The following ITFG1 variants were observed in gnomAD, a reference collection of about 807,000 sequenced individuals.
ITFG1 encodes the protein T-cell immunomodulatory protein.
Under a neutral mutation model 81.8 loss-of-function variants are expected in ITFG1, and 34 were observed. The ratio of observed to expected loss-of-function variants is 0.42; its 90% CI spans 0.32 to 0.55. The LOEUF is 0.55. Ranked by LOEUF, ITFG1 falls within the 20% of genes least tolerant of loss-of-function variation. ITFG1 has a pLI of 0.17. For synonymous variants in ITFG1, 285 were observed against 270.6 expected (o/e 1.05, Z -0.52); for missense variants, 672 against 755.4 (o/e 0.89, Z 1.29).
chr16:47,422,416 C>T (rs1048914415), intron 6 of ITFG1, among the ~76,000 whole-genome samples: 1 of 152,198 alleles, frequency 6.6e-6, no homozygotes, highest in Non-Finnish European at 1.5e-5. Flanking sequence ...AGGATTTTCA[C>T]ATCGATGTTC....
chr16:47,239,822 T>C (rs1160974729), intron 12 of ITFG1, among the ~76,000 whole-genome samples: 2 of 152,200 alleles, frequency 1.3e-5, no homozygotes, highest in Non-Finnish European at 2.9e-5. Context: ...TTTCCAACTG[T>C]TCCAAAATGA....
At chr16:47,198,102 T>C (rs1435624441) in intron 14 of ITFG1, among the ~76,000 whole-genome samples, 3 of 152,336 alleles carry the variant, frequency 2.0e-5, no homozygotes, top group Non-Finnish European at 4.4e-5. Context: ...TCAAATCTTA[T>C]AAAGAAAACA....
At chr16:47,409,930 T>C (rs1002555114) in intron 6 of ITFG1, among the ~76,000 whole-genome samples, 3 of 152,088 alleles carry the variant, frequency 2.0e-5, no homozygotes, top group African/African-American at 4.8e-5. Flanking sequence ...GCAGGATTAA[T>C]TTCCTTAAGA....
chr16:47,436,998 G>C (rs902656018), intron 5 of ITFG1, among the ~76,000 whole-genome samples: 1 of 151,940 alleles, frequency 6.6e-6, no homozygotes. Flanking sequence ...GCTAATAAAG[G>C]GTTTGAGAAA....
intron 14 of ITFG1, among the ~76,000 whole-genome samples, chr16:47,190,514 T>G (rs1965279743): frequency 6.6e-6 from 1 of 152,192 alleles, no homozygotes; most frequent in Admixed American, 6.5e-5. Context: ...TGTACCTTCT[T>G]CCTAGAGGAC....
rs1259341950 is a variant in ITFG1, at chr16:47,347,382, ACAC to A, written c.802+18403_802+18405del. Among the ~76,000 whole-genome samples, 6 of 152,264 alleles carry A rather than the reference ACAC, an allele frequency of 3.9e-5. No individual in the cohort carries two copies. The East Asian group carries it at 9.6e-4, about 24-fold the overall frequency. Reference sequence around the variant, plus strand: ...TTTTCCAATGGTCTTAGCAAATGGCACACCAGGAGATTATATCCTGTGCATGGC... The same window carrying A: ...TTTTCCAATGGTCTTAGCAAATGGCACAGGAGATTATATCCTGTGCATGGC... On this transcript the variant is annotated intron_variant, in intron 8 of 17. Transcript: ENST00000320640.
chr16:47,266,426 C>G (rs1389835884), intron 10 of ITFG1, among the ~76,000 whole-genome samples: 1 of 152,136 alleles, frequency 6.6e-6, no homozygotes, highest in African/African-American at 2.4e-5. Context: ...CCATGTTGGC[C>G]CGGCTGGTCT....
chr16:47,343,706 C>G (rs919729648), intron 8 of ITFG1, among the ~76,000 whole-genome samples: 1 of 152,008 alleles, frequency 6.6e-6, no homozygotes, highest in African/African-American at 2.4e-5. Flanking sequence ...AAAGAAAACA[C>G]GTTAGTGATG....
At chr16:47,449,212 A>G (rs1969359418) in intron 5 of ITFG1, 2 of 152,246 alleles carry the variant, frequency 1.3e-5, no homozygotes, top group Admixed American at 6.5e-5. Context: ...GTCAAATTCA[A>G]TTAAAGATAA....
At chr16:47,300,610 C>G (rs1450671029) in intron 10 of ITFG1, among the ~76,000 whole-genome samples, 3 of 152,178 alleles carry the variant, frequency 2.0e-5, no homozygotes, top group Admixed American at 6.5e-5. Context: ...AAACTCACAG[C>G]TGAAGGGCTG....
At chr16:47,260,956 C>T (rs1387283583) in intron 10 of ITFG1, among the ~76,000 whole-genome samples, 2 of 152,158 alleles carry the variant, frequency 1.3e-5, no homozygotes, top group Non-Finnish European at 2.9e-5. Context: ...CAAGTCCATC[C>T]CTTCTTCCTC....
intron 5 of ITFG1, among the ~76,000 whole-genome samples, chr16:47,434,364 A>G (rs2151611571): frequency 6.6e-6 from 1 of 152,240 alleles, no homozygotes; most frequent in South Asian, 2.1e-4. Context: ...CAAGAAAAAA[A>G]AAAAACCATT....
At chr16:47,265,622 C>T (rs1292290328) in intron 10 of ITFG1, among the ~76,000 whole-genome samples, 1 of 152,032 alleles carries the variant, frequency 6.6e-6, no homozygotes, top group Non-Finnish European at 1.5e-5. Context: ...ATAAACACTA[C>T]AGTATTCACT....
At chr16:47,250,417 A>G (rs541789324) in intron 12 of ITFG1, among the ~76,000 whole-genome samples, 70 of 151,664 alleles carry the variant, frequency 4.6e-4, no homozygotes, top group African/African-American at 1.7e-3. Context: ...AATTTTTGCT[A>G]AAGTCAGGAG....
At chr16:47,312,001 A>G (rs1967272552) in intron 9 of ITFG1, 1 of 152,180 alleles carries the variant, frequency 6.6e-6, no homozygotes, top group Non-Finnish European at 1.5e-5. Context: ...CTCAGCCAAG[A>G]AGACTGAGCT....
chr16:47,287,282 C>G (rs540913820), intron 10 of ITFG1, among the ~76,000 whole-genome samples: 9 of 152,220 alleles, frequency 5.9e-5, no homozygotes, highest in African/African-American at 1.9e-4. Context: ...GGATCTTGCT[C>G]TATTGCCCGG....
rs150230484 is a variant in ITFG1 at position 47,372,113 on chromosome 16, G to A, written c.720+3763C>T. On this transcript the variant is annotated intron_variant, in intron 7 of 17. Coordinates refer to ENST00000320640, the MANE Select transcript of ITFG1 (RefSeq NM_030790.5). ...ATTTTTAGTAGAGAGGGGTTTCACC[G>A]TGTTAGCCAGGATGGTCTCTGGTTT... is the stretch of plus-strand genomic sequence containing the variant. Among the ~76,000 whole-genome samples, 898 of 151,992 alleles carry A rather than the reference G, an allele frequency of 5.9e-3. 9 individuals are homozygous for A. Among genetic ancestry groups the A allele is most frequent in the African/African-American group, 0.021 (854 of 41,452 alleles).
intron 14 of ITFG1, among the ~76,000 whole-genome samples, chr16:47,185,703 G>T (rs1472942276): frequency 6.6e-6 from 1 of 152,090 alleles, no homozygotes; most frequent in African/African-American, 2.4e-5. Context: ...AAAAGAACTA[G>T]AAAAGCAAGA....
intron 6 of ITFG1, among the ~76,000 whole-genome samples, chr16:47,419,959 T>TA (rs1968924179): frequency 6.6e-6 from 1 of 151,590 alleles, no homozygotes; most frequent in Non-Finnish European, 1.5e-5. Flanking sequence ...CTTCTCTTTT[T>TA]TTTTTTTTTG....
Sources: allele counts gnomAD v4.1 joint callset (sites outside exome capture counted in the v4.1 genomes callset), GRCh38; gene constraint gnomAD v4.1.1; transcripts MANE v1.5; gene names NCBI Gene and HGNC (gene_info 2026-07-23, HGNC 2026-07-21).